Variants in AKR7A3 observed in about 807,000 individuals in gnomAD.
AKR7A3 encodes the protein aldo-keto reductase family 7 member A3.
A neutral mutation model predicts 32.5 loss-of-function variants in AKR7A3; 37 were observed. The observed-to-expected ratio is 1.14, with a 90% confidence interval of 0.88 to 1.50. The LOEUF (loss-of-function observed/expected upper bound fraction) is 1.50, where lower values mean the gene tolerates loss of function less well. AKR7A3 is among the 40% of genes most tolerant of loss of function. The pLI, the probability that AKR7A3 is intolerant of heterozygous loss-of-function variation, is 0.00. For missense variants in AKR7A3, 412 were observed against 453.2 expected (o/e 0.91, Z 0.83); for synonymous variants, 177 against 188.4 (o/e 0.94, Z 0.50).
rs2151981767 is a variant in AKR7A3, at chr1:19,285,085, C to T, written c.537G>A (p.Val179=). The T allele has an allele frequency of 6.2e-7, 1 of 1,613,534 alleles. No homozygotes were observed. The highest frequency in any genetic ancestry group is 8.5e-7 in the Non-Finnish European group (1 of 1,179,860). ...QGMYNAITRQ[V]ETELFPCLRH... is the part of the protein sequence containing the mutation. ...TGAGGCAGGGGAAGAGCTCCGTTTC[C>T]ACCTGCCGGGTGATGGCATTGTACA... The change falls in exon 4 of 7, where the codon GTG becomes GTA. Residue 179 remains valine, a synonymous_variant. Coordinates refer to ENST00000361640, the MANE Select transcript of AKR7A3 (RefSeq NM_012067.3).
At position 19,284,466 on chromosome 1, in the gene AKR7A3, A is replaced by G. The variant is rs117129266; in HGVS notation, c.704+220T>C. On this transcript the variant is annotated intron_variant, in intron 5 of 6. Coordinates refer to ENST00000361640, the MANE Select transcript of AKR7A3 (RefSeq NM_012067.3). ...TTCCTAGCAGGTGATTGCTCAGGAA[A>G]GAGCAACGACTTCAAGACCCCGAGG... 8.0e-4 allele frequency among the ~76,000 whole-genome samples: 121 copies of G among 151,962 alleles called. 1 individual carries two copies. In the East Asian group the frequency reaches 0.017, roughly 22 times the overall value.
At chr1:19,277,764 T>C (rs2093713273), downstream of AKR7A3, among the ~76,000 whole-genome samples, 2 of 151,860 alleles carry the variant, frequency 1.3e-5, no homozygotes, top group Non-Finnish European at 2.9e-5. Flanking sequence ...CAAGGGATCC[T>C]CCCACCTCAG....
At chr1:19,287,783 G>C (rs2093733441) in intron 1 of AKR7A3, among the ~76,000 whole-genome samples, 1 of 152,108 alleles carries the variant, frequency 6.6e-6, no homozygotes, top group Admixed American at 6.5e-5. Context: ...GGTCACTCTG[G>C]GCTCCCCAGC....
chr1:19,276,148 G>T, the AKR7A3 span, among the ~76,000 whole-genome samples: 1 of 151,118 alleles, frequency 6.6e-6, no homozygotes, highest in East Asian at 2.0e-4. Context: ...GGATCACGAG[G>T]TCAGGAGTTC....
downstream of AKR7A3, among the ~76,000 whole-genome samples, chr1:19,279,494 G>T (rs2093715773): frequency 6.6e-6 from 1 of 151,848 alleles, no homozygotes; most frequent in Admixed American, 6.5e-5. Context: ...AATCCTCTGA[G>T]GAACTGCCAA....
chr1:19,285,134 G>A lies in AKR7A3; in HGVS notation c.508-20C>T, dbSNP rs763559912. ...CATGCCCTGTAAGGAGAGGGGCCCC[G>A]GGGGAGAGGGTGGATGTGTCAAAAG... On this transcript the variant is annotated intron_variant, in intron 3 of 6. Transcript: ENST00000361640. 197 of 1,611,682 alleles carry A rather than the reference G, an allele frequency of 1.2e-4. 1 individual carries two copies. Among genetic ancestry groups the A allele is most frequent in the Non-Finnish European group, 1.5e-4 (174 of 1,178,416 alleles).
rs542095657 is a variant in AKR7A3, at chr1:19,288,426, G to T, written c.214+70C>A. 26 of 1,533,830 alleles carry T rather than the reference G, an allele frequency of 1.7e-5. 1 individual carries two copies. In the South Asian group the frequency reaches 2.6e-4, roughly 15 times the overall value. On this transcript the variant is annotated intron_variant, in intron 1 of 6. Coordinates refer to ENST00000361640, the MANE Select transcript of AKR7A3 (RefSeq NM_012067.3). ...GTGCTGCCCCGGGGCCAGGGAGAGC[G>T]GGGCGGTACACGGCTGTGGACAGGC...
At position 19,286,210 on chromosome 1, in the gene AKR7A3, C is replaced by A. The variant is rs775350192; in HGVS notation, c.377G>T (p.Arg126Leu). The A allele has an allele frequency of 3.7e-6, 6 of 1,612,962 alleles. No individual in the cohort carries two copies. In the South Asian group the frequency reaches 6.6e-5, roughly 18 times the overall value. The change falls in exon 2 of 7, where the codon CGT becomes CTT. Residue 126 changes from arginine to leucine, a missense_variant. Arg to Leu is a moderately radical substitution (Grantham distance 102, BLOSUM62 -2). Transcript: ENST00000361640. The stretch of plus-strand genomic sequence containing the variant: ...CTCCTGGTGCAGCTGGTGGCAGGCA[C>A]GCAGTGTCTCTTCCACCGGGGTGCT... Reference protein sequence around the residue: ...DHSTPVEETLRACHQLHQEGK... With the variant: ...DHSTPVEETLLACHQLHQEGK...
intron 1 of AKR7A3, among the ~76,000 whole-genome samples, chr1:19,287,715 G>C (rs2093733357): frequency 6.6e-6 from 1 of 152,074 alleles, no homozygotes. Context: ...CTTGCCCCTT[G>C]TACTCTTCCT....
rs2093726027 is a variant in AKR7A3, at chr1:19,284,742, C to T, written c.648G>A (p.Gly216=). The part of the protein sequence containing the change: ...TGKYKYEDKN[G]KQPVGRFFGN... ...CAAAGAAGCGGCCCACGGGCTGTTT[C>T]CCATTCTTGTCCTCATACTTGTACT... The change falls in exon 5 of 7, where the codon GGG becomes GGA. Residue 216 remains glycine, a synonymous_variant. Transcript: ENST00000361640. 2 of 1,613,716 alleles carry T rather than the reference C, an allele frequency of 1.2e-6. No homozygotes were observed. The highest frequency in any genetic ancestry group is 3.3e-5 in the Admixed American group (2 of 60,000).
At chr1:19,274,413 C>T in the AKR7A3 span, among the ~76,000 whole-genome samples, 1 of 151,824 alleles carries the variant, frequency 6.6e-6, no homozygotes, top group African/African-American at 2.4e-5. Flanking sequence ...TCCTCCCTGC[C>T]CCGTCGTCCC....
At chr1:19,283,050 A>G (rs979317360) in intron 6 of AKR7A3, among the ~76,000 whole-genome samples, 158 bp from the exon 7 acceptor site, 2 of 147,254 alleles carry the variant, frequency 1.4e-5, no homozygotes, top group African/African-American at 5.1e-5. Context: ...CATGTGACGC[A>G]AAACCTGTAT....
chr1:19,282,811 G>A lies in AKR7A3; in HGVS notation c.916C>T (p.Pro306Ser), dbSNP rs752232449. ...EQNLAAAEEGPLEPAVVDAFN... is the reference protein window; with the variant it reads ...EQNLAAAEEGSLEPAVVDAFN... Reference sequence around the variant, plus strand: ...GCGTCCACGACAGCCGGCTCCAGGGGCCCTTCCTCTGCCGCTGCCAAGTTC... The same window carrying A: ...GCGTCCACGACAGCCGGCTCCAGGGACCCTTCCTCTGCCGCTGCCAAGTTC... Residue 306 changes from proline (P) to serine (S), a missense_variant, in exon 7 of 7, where the codon CCC becomes TCC. Physicochemically the swap from Pro to Ser is moderately conservative, Grantham distance 74. Coordinates refer to ENST00000361640, the MANE Select transcript of AKR7A3 (RefSeq NM_012067.3). The A allele has an allele frequency of 9.3e-6, 15 of 1,613,272 alleles. No individual in the cohort carries two copies. In the Admixed American group the frequency reaches 2.2e-4, roughly 23 times the overall value.
intron 4 of AKR7A3, 93 bp from the exon 5 acceptor site, chr1:19,284,878 C>A (rs1258038911): frequency 6.4e-7 from 1 of 1,571,936 alleles, no homozygotes; most frequent in African/African-American, 1.4e-5. Context: ...GGCAGGGACC[C>A]AGGAGGGCTG....
rs1158852849 is a variant in AKR7A3, at chr1:19,282,581, T to C, written c.*150A>G. The C allele has an allele frequency of 2.2e-6, 3 of 1,336,034 alleles. No homozygotes were observed. The African/African-American group carries it at 4.5e-5, about 20-fold the overall frequency. 82.8% of individuals were successfully genotyped at this position (1,336,034 alleles called of 1,614,324 possible). On this transcript the variant is annotated 3_prime_UTR_variant, in exon 7 of 7. Transcript: ENST00000361640. Reference sequence around the variant, plus strand: ...ACTAACACACAGCACCCTGGGAGTTTTATTCTTCATTTGGTGGTGACTCTT... The same window carrying C: ...ACTAACACACAGCACCCTGGGAGTTCTATTCTTCATTTGGTGGTGACTCTT...
At position 19,286,226 on chromosome 1, in the gene AKR7A3, C is replaced by A; in HGVS notation, c.361G>T (p.Val121Leu). The change falls in exon 2 of 7, where the codon GTG (valine) becomes TTG (leucine). Residue 121 changes from valine to leucine, a missense_variant. Coordinates refer to ENST00000361640, the MANE Select transcript of AKR7A3 (RefSeq NM_012067.3). ...YLHMPDHSTP[V>L]EETLRACHQL... ...TGGCAGGCACGCAGTGTCTCTTCCA[C>A]CGGGGTGCTGTGGTCTGGCATATGC... 3 of 1,613,300 alleles carry A rather than the reference C, an allele frequency of 1.9e-6. No individual in the cohort carries two copies. In the South Asian group the frequency reaches 3.3e-5, roughly 18 times the overall value.
At chr1:19,285,634 G>C (rs1335461945) in intron 3 of AKR7A3, among the ~76,000 whole-genome samples, 1 of 151,640 alleles carries the variant, frequency 6.6e-6, no homozygotes, top group African/African-American at 2.4e-5. Context: ...GGAAGGGCTT[G>C]TTCCAGGCTG....
Position 19,284,054 on chromosome 1 carries a change from C to A in AKR7A3, c.776G>T (p.Ser259Ile). The A allele has an allele frequency of 6.2e-7, 1 of 1,613,748 alleles. No homozygotes were observed. The highest frequency in any genetic ancestry group is 1.7e-5 in the Admixed American group (1 of 60,024). The change falls in exon 6 of 7, where the codon AGC becomes ATC. Residue 259 changes from serine to isoleucine, a missense_variant. Physicochemically the swap from Ser to Ile is moderately radical, Grantham distance 142 (BLOSUM62 -2). Coordinates refer to ENST00000361640, the MANE Select transcript of AKR7A3 (RefSeq NM_012067.3). ...GGTGGCCGAGGTCATGCTGGGGGCG[C>A]TGGCGCCATACGCGGCCTGCAGGGC... ...EKALQAAYGA[S>I]APSMTSATLR... is the part of the protein sequence containing the mutation.
chr1:19,286,060 C>G (rs1474158431), intron 2 of AKR7A3, 68 bp from the exon 3 acceptor site: 2 of 1,599,610 alleles, frequency 1.3e-6, no homozygotes, highest in Admixed American at 3.5e-5. Context: ...CAGGGTGGGG[C>G]CCCTGGGAGT....
Sources: allele counts gnomAD v4.1 joint callset (sites outside exome capture counted in the v4.1 genomes callset), GRCh38; gene constraint gnomAD v4.1.1; transcripts MANE v1.5; gene names NCBI Gene and HGNC (gene_info 2026-07-23, HGNC 2026-07-21).